The following MTMR9 variants were observed in gnomAD, a reference collection of about 807,000 sequenced individuals.
MTMR9 encodes the protein myotubularin-related protein 9.
In MTMR9, 39 loss-of-function variants were observed where a neutral mutation model predicts 69.5. The observed-to-expected ratio is 0.56, with a 90% CI of 0.43 to 0.73. The LOEUF is 0.73. MTMR9 is among the 30% of genes least tolerant of loss of function. The pLI is 0.00. For missense variants in MTMR9, 900 were observed against 671.2 expected, an observed-to-expected ratio of 1.34 and a Z score of -3.77; for synonymous variants, 354 against 240.8, an observed-to-expected ratio of 1.47 and a Z score of -4.35.
At chr8:11,319,577 T>C in intron 8 of MTMR9, 110 bp from the exon 9 acceptor site, 1 of 1,147,990 alleles carries the variant, frequency 8.7e-7, no homozygotes, top group South Asian at 1.4e-5. Flanking sequence ...ACCAAAAGTC[T>C]TGTATTCTAT....
At chr8:11,312,453 C>T (rs996025416) in intron 6 of MTMR9, among the ~76,000 whole-genome samples, 1 of 152,190 alleles carries the variant, frequency 6.6e-6, no homozygotes, top group Non-Finnish European at 1.5e-5. Flanking sequence ...TTCAAGCAAT[C>T]CTCCTGCCTT....
At chr8:11,338,431 A>G in the MTMR9 span, among the ~76,000 whole-genome samples, 2 of 152,234 alleles carry the variant, frequency 1.3e-5, no homozygotes, top group African/African-American at 2.4e-5. Context: ...AAGTGGCTCT[A>G]TTGAACCGGG....
At chr8:11,333,215 A>C in the MTMR9 span, among the ~76,000 whole-genome samples, 1 of 152,240 alleles carries the variant, frequency 6.6e-6, no homozygotes, top group African/African-American at 2.4e-5. Flanking sequence ...ACAGTATATG[A>C]AAACTATCAA....
In MTMR9 at chr8:11,303,057, A is replaced by G. The variant is rs562546336; in HGVS notation, c.418-1784A>G. ...TCATTCCCTCCGATTTATAAAGTCA[A>G]TACAATCTTAATAAAAACCCCAGTT... On this transcript the variant is annotated intron_variant, in intron 3 of 9. Transcript: ENST00000221086. 2.7e-4 allele frequency among the ~76,000 whole-genome samples: 41 copies of G among 151,826 alleles called. 1 individual carries two copies. The South Asian group carries it at 3.8e-3, about 14-fold the overall frequency.
chr8:11,327,768 C>G lies in MTMR9; in HGVS notation c.*4980C>G, dbSNP rs1232059391. 6.6e-6 allele frequency: 1 copy of G among 152,542 alleles called. No homozygotes were observed. The highest frequency in any genetic ancestry group is 6.5e-5 in the Admixed American group (1 of 15,282). 9.4% of individuals were successfully genotyped at this position (152,542 alleles called of 1,614,324 possible). A position where few individuals can be genotyped will look rare whatever the true frequency, so the allele number is the denominator to read the frequency against. ...TCTATAATGTATGCTTTGCTGAAAC[C>G]TCAAGAGTGCTGTAAGGTACAGGTT... On this transcript the variant is annotated 3_prime_UTR_variant, in exon 10 of 10. Transcript: ENST00000221086.
Position 11,326,303 on chromosome 8 carries a change from C to T in MTMR9, c.*3515C>T, listed in dbSNP as rs1800926713. 1 of 152,204 alleles carries T rather than the reference C, an allele frequency of 6.6e-6. No homozygotes were observed. Among genetic ancestry groups the T allele is most frequent in the Non-Finnish European group, 1.5e-5 (1 of 68,046 alleles). 9.4% of individuals were successfully genotyped at this position (152,204 alleles called of 1,614,324 possible). A position where few individuals can be genotyped will look rare whatever the true frequency, so the allele number is the denominator to read the frequency against. ...GGATAAAGGTTTTGGTATTTGCCCA[C>T]TTCTAGATAGAATGAATGAAAACAA... On this transcript the variant is annotated 3_prime_UTR_variant, in exon 10 of 10. Transcript: ENST00000221086.
chr8:11,329,538 G>C (rs556027586), downstream of MTMR9, among the ~76,000 whole-genome samples: 1 of 152,380 alleles, frequency 6.6e-6, no homozygotes, highest in East Asian at 1.9e-4. Flanking sequence ...CTGGTATCCA[G>C]CTCCTAACCG....
chr8:11,306,071 C>A, intron 4 of MTMR9, 119 bp from the exon 5 acceptor site: 2 of 756,118 alleles, frequency 2.6e-6, no homozygotes. Flanking sequence ...TGGATCAAAT[C>A]CATCTGCAGA....
At chr8:11,331,979 T>C (rs12681987), downstream of MTMR9, 816,570 of 1,579,554 alleles carry the variant, frequency 0.52, 189,659 homozygotes, top group East Asian at 0.82. Context: ...CCGAGGTGGT[T>C]GTGGCCCTTA....
intron 1 of MTMR9, among the ~76,000 whole-genome samples, chr8:11,293,654 C>G (rs1247596999): frequency 1.3e-5 from 2 of 151,846 alleles, no homozygotes; most frequent in Non-Finnish European, 2.9e-5. Flanking sequence ...AATATTTTCT[C>G]TCATGTTTTC....
At chr8:11,331,994 G>T (rs747070825), downstream of MTMR9, 9 of 1,611,926 alleles carry the variant, frequency 5.6e-6, no homozygotes, top group South Asian at 9.9e-5. Context: ...CCCTTATACT[G>T]CAGTATTATA....
In MTMR9 at chr8:11,309,690, T is replaced by TA; in HGVS notation, c.971+5dup. On this transcript the variant is annotated splice_region_variant and intron_variant, in intron 6 of 9. Coordinates refer to ENST00000221086, the MANE Select transcript of MTMR9 (RefSeq NM_015458.4). ...CCTAGCGGCTCAGTGCATCGACAGG[T>TA]AAAGTGCATTTCAGCGTTCCTGAGC... The TA allele has an allele frequency of 4.3e-6, 7 of 1,613,108 alleles. No homozygotes were observed. Among genetic ancestry groups the TA allele is most frequent in the Non-Finnish European group, 5.1e-6 (6 of 1,179,586 alleles).
At chr8:11,336,607 CT>C in the MTMR9 span, among the ~76,000 whole-genome samples, 1 of 152,166 alleles carries the variant, frequency 6.6e-6, no homozygotes, top group East Asian at 1.9e-4. Flanking sequence ...TAGATAAGTA[CT>C]TTTTTGGCCA....
Position 11,324,538 on chromosome 8 carries a change from C to G in MTMR9, c.*1750C>G, listed in dbSNP as rs912464349. 1 of 150,854 alleles carries G rather than the reference C, an allele frequency of 6.6e-6. No individual in the cohort carries two copies. Among genetic ancestry groups the G allele is most frequent in the African/African-American group, 2.4e-5 (1 of 41,112 alleles). The allele number at this position is 150,854 out of a possible 1,614,324, so 9.3% of individuals were successfully genotyped here. ...AAAAAAAAAAAAAAAAGGAAACAGCCTCACTTTTTTGTGCTCCCTCAGAAT... is the reference window on the plus strand; with the variant it reads ...AAAAAAAAAAAAAAAAGGAAACAGCGTCACTTTTTTGTGCTCCCTCAGAAT... On this transcript the variant is annotated 3_prime_UTR_variant, in exon 10 of 10. Transcript: ENST00000221086.
intron 8 of MTMR9, 44 bp downstream of exon 8, chr8:11,316,937 T>C (rs779982472): frequency 1.5e-6 from 2 of 1,369,196 alleles, no homozygotes; most frequent in African/African-American, 2.9e-5. Flanking sequence ...TTCCGTTGTT[T>C]TGGCTACTTC....
Position 11,322,773 on chromosome 8 carries a change from G to A in MTMR9, c.1635G>A (p.Met545Ile), listed in dbSNP as rs780011800. The part of the protein sequence containing the change: ...QLAELETEDG[M>I]QESP ...CAGAACTGGAAACAGAGGACGGGAT[G>A]CAGGAGAGTCCCTGAAAGGTCTCCT... Residue 545 changes from methionine to isoleucine, a missense_variant, in exon 10 of 10, where the codon ATG becomes ATA. Transcript: ENST00000221086. 2 of 1,613,924 alleles carry A rather than the reference G, an allele frequency of 1.2e-6. No homozygotes were observed. The highest frequency in any genetic ancestry group is 1.7e-6 in the Non-Finnish European group (2 of 1,179,896).
At chr8:11,319,314 G>T (rs1800563145) in intron 8 of MTMR9, 1 of 159,774 alleles carries the variant, frequency 6.3e-6, no homozygotes, top group Non-Finnish European at 1.4e-5. Flanking sequence ...AAACAAAAAG[G>T]TTAGAAAGTT....
chr8:11,311,767 G>T (rs900035029), intron 6 of MTMR9, among the ~76,000 whole-genome samples: 1 of 152,078 alleles, frequency 6.6e-6, no homozygotes, highest in Non-Finnish European at 1.5e-5. Context: ...TTTCTCTGTA[G>T]CATGTGATAC....
At chr8:11,303,885 A>C (rs1369626808) in intron 3 of MTMR9, among the ~76,000 whole-genome samples, 2 of 152,182 alleles carry the variant, frequency 1.3e-5, no homozygotes, top group Non-Finnish European at 2.9e-5. Context: ...AAAGTGAAAA[A>C]ATTTAATTAA....
Sources: gnomAD v4.1 joint callset for allele counts (sites outside exome capture counted in the v4.1 genomes callset) on GRCh38, gnomAD v4.1.1 for gene constraint, MANE v1.5 for transcripts, NCBI Gene and HGNC (gene_info 2026-07-23, HGNC 2026-07-21) for gene names.